ST8SIA5: variants seen among roughly 807,000 people sequenced by gnomAD.
The protein encoded by ST8SIA5 is ST8 alpha-N-acetyl-neuraminide alpha-2,8-sialyltransferase 5.
ST8SIA5 carries 24 observed loss-of-function variants against 40.2 expected under a neutral mutation model. The observed-to-expected ratio is 0.60, with a 90% CI of 0.43 to 0.84. ST8SIA5 has a LOEUF of 0.84. ST8SIA5 is among the 40% of genes least tolerant of loss of function. The pLI is 0.00. For missense variants in ST8SIA5, 465 were observed against 498.5 expected (o/e 0.93, Z 0.64); for synonymous variants, 198 against 201.8 (o/e 0.98, Z 0.16).
intron 2 of ST8SIA5, among the ~76,000 whole-genome samples, chr18:46,699,716 C>CGAGGAG (rs2039592772): frequency 6.6e-6 from 1 of 152,178 alleles, no homozygotes; most frequent in African/African-American, 2.4e-5. Flanking sequence ...CTGTTTGCAC[C>CGAGGAG]CGGGTCTCAC....
intron 1 of ST8SIA5, among the ~76,000 whole-genome samples, chr18:46,715,247 C>G (rs1261622117): frequency 6.6e-6 from 1 of 152,226 alleles, no homozygotes; most frequent in Non-Finnish European, 1.5e-5. Flanking sequence ...CTGCACCTGC[C>G]ACACAGGAGT....
At chr18:46,690,127 G>T (rs913450840) in intron 3 of ST8SIA5, among the ~76,000 whole-genome samples, 1 of 152,186 alleles carries the variant, frequency 6.6e-6, no homozygotes, top group African/African-American at 2.4e-5. Context: ...GCCCACTGGA[G>T]ATCACTCCTA....
chr18:46,700,515 C>A (rs2039601979), intron 2 of ST8SIA5, among the ~76,000 whole-genome samples: 1 of 152,202 alleles, frequency 6.6e-6, no homozygotes, highest in Admixed American at 6.5e-5. Context: ...GCCTCTGCAG[C>A]TCTCTGATTT....
intron 2 of ST8SIA5, among the ~76,000 whole-genome samples, chr18:46,698,394 C>T (rs1004859966): frequency 6.6e-6 from 1 of 151,942 alleles, no homozygotes; most frequent in African/African-American, 2.4e-5. Flanking sequence ...AACCCAACAA[C>T]CCACTACAAC....
rs187237331 is a variant in ST8SIA5 at position 46,743,060 on chromosome 18, A to T, written c.131+13318T>A. The stretch of plus-strand genomic sequence containing the variant: ...ACATCTACACCAAAACGCCATTTGT[A>T]GGTCACCAACAAACCAAAAGTAGAT... On this transcript the variant is annotated intron_variant, in intron 1 of 6. Coordinates refer to ENST00000315087, the MANE Select transcript of ST8SIA5 (RefSeq NM_013305.6). 8.0e-3 allele frequency among the ~76,000 whole-genome samples: 1,226 copies of T among 152,358 alleles called. 10 individuals carry two copies. The highest frequency in any genetic ancestry group is 0.031 in the Middle Eastern group (9 of 294).
intron 1 of ST8SIA5, among the ~76,000 whole-genome samples, chr18:46,738,955 G>C (rs1357120229): frequency 6.6e-6 from 1 of 152,206 alleles, no homozygotes; most frequent in East Asian, 1.9e-4. Context: ...AGAGAGGAAG[G>C]CTGGAGGGAA....
At chr18:46,690,051 G>A (rs538519533) in intron 3 of ST8SIA5, among the ~76,000 whole-genome samples, 1 of 152,304 alleles carries the variant, frequency 6.6e-6, no homozygotes, top group African/African-American at 2.4e-5. Flanking sequence ...GCAGGGCCAT[G>A]GATTGGCATT....
chr18:46,722,234 G>A (rs1382234349), intron 1 of ST8SIA5, among the ~76,000 whole-genome samples: 1 of 152,184 alleles, frequency 6.6e-6, no homozygotes, highest in Non-Finnish European at 1.5e-5. Flanking sequence ...ACAAAAAGCA[G>A]TCAGACAACC....
At chr18:46,703,410 T>C (rs1215675156) in intron 2 of ST8SIA5, among the ~76,000 whole-genome samples, 1 of 152,162 alleles carries the variant, frequency 6.6e-6, no homozygotes, top group Non-Finnish European at 1.5e-5. Flanking sequence ...TATTTTCACA[T>C]GCCTTATTTC....
chr18:46,732,810 A>G (rs1038177900), intron 1 of ST8SIA5, among the ~76,000 whole-genome samples: 2 of 152,228 alleles, frequency 1.3e-5, no homozygotes, highest in South Asian at 4.2e-4. Flanking sequence ...GAAAGGCTTC[A>G]ATGCTCAAGA....
At chr18:46,714,523 G>T (rs1027898312) in intron 1 of ST8SIA5, among the ~76,000 whole-genome samples, 1 of 152,144 alleles carries the variant, frequency 6.6e-6, no homozygotes, top group Non-Finnish European at 1.5e-5. Flanking sequence ...AGTGAAGAAG[G>T]GGTGAGGCCC....
At position 46,735,368 on chromosome 18, in the gene ST8SIA5, T is replaced by G. The variant is rs183702780; in HGVS notation, c.131+21010A>C. Among the ~76,000 whole-genome samples the G allele has an allele frequency of 1.3e-4, 20 of 152,338 alleles. No homozygotes were observed. The East Asian group carries it at 3.9e-3, about 29-fold the overall frequency. ...ATCTATCCTATTAGTTCTGTGCCTC[T>G]AGAGAACCCTGACTAATACAGTAAC... On this transcript the variant is annotated intron_variant, in intron 1 of 6. Transcript: ENST00000315087.
chr18:46,668,914 A>T lies in ST8SIA5; in HGVS notation c.*11128T>A, dbSNP rs973350212. ...AGTCTGGCAGGAGCTGCCACTTGGG[A>T]CCCCTCCAGCTGCCTCCCACATGGC... On this transcript the variant is annotated 3_prime_UTR_variant, in exon 7 of 7. Coordinates refer to ENST00000315087, the MANE Select transcript of ST8SIA5 (RefSeq NM_013305.6). The T allele has an allele frequency of 4.6e-5, 7 of 152,380 alleles. No individual in the cohort carries two copies. Among genetic ancestry groups the T allele is most frequent in the South Asian group, 2.1e-4 (1 of 4,838 alleles). 9.4% of individuals were successfully genotyped at this position (152,380 alleles called of 1,614,324 possible).
At chr18:46,738,140 A>G in intron 1 of ST8SIA5, among the ~76,000 whole-genome samples, 1 of 152,072 alleles carries the variant, frequency 6.6e-6, no homozygotes, top group East Asian at 1.9e-4. Flanking sequence ...GGTAATAGGT[A>G]GGGTTAAGAG....
chr18:46,731,986 CA>C (rs1338722885), intron 1 of ST8SIA5: 1 of 152,222 alleles, frequency 6.6e-6, no homozygotes, highest in Non-Finnish European at 1.5e-5. Context: ...GCAACAAGAA[CA>C]GGGGAGGGTG....
At chr18:46,717,894 C>G (rs1049693055) in intron 1 of ST8SIA5, among the ~76,000 whole-genome samples, 1 of 152,022 alleles carries the variant, frequency 6.6e-6, no homozygotes, top group Non-Finnish European at 1.5e-5. Flanking sequence ...ACAGGTGCCA[C>G]GCTAGGTTCT....
chr18:46,750,813 G>A lies in ST8SIA5; in HGVS notation c.131+5565C>T, dbSNP rs2040188786. Among the ~76,000 whole-genome samples, 9 of 152,062 alleles carry A rather than the reference G, an allele frequency of 5.9e-5. 1 individual carries two copies. The highest frequency in any genetic ancestry group is 5.9e-4 in the Admixed American group (9 of 15,260). On this transcript the variant is annotated intron_variant, in intron 1 of 6. Transcript: ENST00000315087. ...CCTTCAAGGCTCTCCTTTGTGCCCA[G>A]ACCCATCATCATTTTCCACTCTGCT...
Position 46,688,777 on chromosome 18 carries a change from T to G in ST8SIA5, c.454A>C (p.Lys152Gln). The stretch of plus-strand genomic sequence containing the variant: ...ACCGCCCCCGCCCAAAGCAGCACCT[T>G]GGGAAACATGCGGAAGATCTCCTGG... ...INQEIFRMFP[K>Q]DMPYYRSQFK... Residue 152 changes from lysine to glutamine, a missense_variant and splice_region_variant, in exon 4 of 7, where the codon AAG becomes CAG. Transcript: ENST00000315087. 6.2e-7 allele frequency: 1 copy of G among 1,611,534 alleles called. No individual in the cohort carries two copies. Among genetic ancestry groups the G allele is most frequent in the Non-Finnish European group, 8.5e-7 (1 of 1,178,840 alleles).
intron 1 of ST8SIA5, among the ~76,000 whole-genome samples, chr18:46,754,211 G>T (rs1417678391): frequency 1.3e-5 from 2 of 152,086 alleles, no homozygotes; most frequent in African/African-American, 4.8e-5. Context: ...GTAGGGTCAG[G>T]TGTGGGAGAG....
Sources: gnomAD v4.1 joint callset for allele counts (sites outside exome capture counted in the v4.1 genomes callset) on GRCh38, gnomAD v4.1.1 for gene constraint, MANE v1.5 for transcripts, NCBI Gene and HGNC (gene_info 2026-07-23, HGNC 2026-07-21) for gene names.